Variants in STAG1 observed in about 807,000 individuals in gnomAD.
The protein encoded by STAG1 is STAG1 cohesin complex component.
In STAG1, 26 loss-of-function variants were observed where a neutral mutation model predicts 170.9. The ratio of observed to expected loss-of-function variants is 0.15; its 90% CI spans 0.11 to 0.21. The LOEUF is 0.21. STAG1 is among the 10% of genes least tolerant of loss of function. The pLI is 1.00. For missense variants in STAG1, 964 were observed against 1,509.5 expected (o/e 0.64, Z 5.99); for synonymous variants, 514 against 497.7 (o/e 1.03, Z -0.44).
chr3:136,587,068 T>C, intron 4 of STAG1: 1 of 339,528 alleles, frequency 2.9e-6, no homozygotes, highest in Non-Finnish European at 5.8e-6. Context: ...TGATTTAAAG[T>C]ACATTTTTTA....
At chr3:136,553,324 G>C (rs1157693380) in intron 5 of STAG1, among the ~76,000 whole-genome samples, 1 of 152,090 alleles carries the variant, frequency 6.6e-6, no homozygotes, top group Non-Finnish European at 1.5e-5. Context: ...CAAAGTTCCT[G>C]AAGGAGAAGA....
At chr3:136,464,142 G>A (rs1383378293) in intron 13 of STAG1, among the ~76,000 whole-genome samples, 1 of 151,666 alleles carries the variant, frequency 6.6e-6, no homozygotes, top group African/African-American at 2.4e-5. Flanking sequence ...TCCTGATCAT[G>A]GCCAGGTGTG....
At chr3:136,536,720 A>T (rs1036270112) in intron 6 of STAG1, among the ~76,000 whole-genome samples, 126 of 151,464 alleles carry the variant, frequency 8.3e-4, no homozygotes, top group African/African-American at 2.8e-3. Context: ...AAAAAAAAAA[A>T]AAAAAACTAC....
Position 136,542,100 on chromosome 3 carries a change from G to A in STAG1, c.471+19C>T. The A allele has an allele frequency of 6.4e-7, 1 of 1,570,424 alleles. No homozygotes were observed. Among genetic ancestry groups the A allele is most frequent in the Non-Finnish European group, 8.7e-7 (1 of 1,146,090 alleles). On this transcript the variant is annotated intron_variant, in intron 6 of 33. Coordinates refer to ENST00000383202, the MANE Select transcript of STAG1 (RefSeq NM_005862.3). Reference sequence around the variant, plus strand: ...GAAAGTATAAGTAAGCAATTTGTATGAATATTGGAATGCTATACCTCATCA... The same window carrying A: ...GAAAGTATAAGTAAGCAATTTGTATAAATATTGGAATGCTATACCTCATCA...
chr3:136,563,264 AC>A (rs1490285752), intron 5 of STAG1, among the ~76,000 whole-genome samples: 1 of 152,124 alleles, frequency 6.6e-6, no homozygotes, highest in Non-Finnish European at 1.5e-5. Flanking sequence ...CAGCCCACTT[AC>A]TGAGTTCCCA....
chr3:136,690,890 G>A (rs1053590846), intron 1 of STAG1, among the ~76,000 whole-genome samples: 6 of 151,280 alleles, frequency 4.0e-5, no homozygotes, highest in African/African-American at 9.7e-5. Context: ...GATAGTTCTC[G>A]AATGGGGGAT....
chr3:136,394,221 A>G (rs1417960628), intron 22 of STAG1, among the ~76,000 whole-genome samples: 1 of 152,200 alleles, frequency 6.6e-6, no homozygotes, highest in Non-Finnish European at 1.5e-5. Flanking sequence ...ATGAATTTTT[A>G]AAGTTTGCAT....
intron 6 of STAG1, among the ~76,000 whole-genome samples, chr3:136,529,248 T>C (rs191271453): frequency 2.0e-3 from 304 of 152,228 alleles, no homozygotes; most frequent in African/African-American, 7.0e-3. Flanking sequence ...AATAAAATAA[T>C]AGATGGAAAC....
chr3:136,596,642 A>C (rs1269649252), intron 4 of STAG1, among the ~76,000 whole-genome samples: 1 of 152,248 alleles, frequency 6.6e-6, no homozygotes, highest in Admixed American at 6.5e-5. Context: ...AACCTTAAGT[A>C]TATTTTCACA....
At chr3:136,691,561 G>A (rs1942724212) in intron 1 of STAG1, among the ~76,000 whole-genome samples, 1 of 152,154 alleles carries the variant, frequency 6.6e-6, no homozygotes, top group Non-Finnish European at 1.5e-5. Context: ...GAAAAGTTTG[G>A]TGTCCAGTAG....
intron 22 of STAG1, among the ~76,000 whole-genome samples, chr3:136,384,461 G>GAAAAAA (rs1261653731): frequency 9.7e-6 from 1 of 103,552 alleles, no homozygotes; most frequent in Admixed American, 1.0e-4. Context: ...AAAAGAAGAA[G>GAAAAAA]AAAAAAAAAA....
intron 9 of STAG1, among the ~76,000 whole-genome samples, chr3:136,486,734 CAACT>C (rs2090020570): frequency 6.6e-6 from 1 of 152,100 alleles, no homozygotes; most frequent in South Asian, 2.1e-4. Flanking sequence ...CTAACTCTTC[CAACT>C]AACTCTTAGA....
Position 136,425,360 on chromosome 3 carries a change from AGTGG to A in STAG1, c.1651-2320_1651-2317del, listed in dbSNP as rs1475241347. Among the ~76,000 whole-genome samples the A allele has an allele frequency of 2.6e-5, 4 of 152,218 alleles. No homozygotes were observed. In the East Asian group the frequency reaches 7.7e-4, roughly 29 times the overall value. On this transcript the variant is annotated intron_variant, in intron 16 of 33. Transcript: ENST00000383202. The stretch of plus-strand genomic sequence containing the variant: ...ATCTTTGGTAAAAGATTGGGGGGTG[AGTGG>A]GTGGAATGTGAAATATGAATATATA...
chr3:136,665,961 G>GCTA (rs1180166027), intron 1 of STAG1, among the ~76,000 whole-genome samples: 1 of 150,668 alleles, frequency 6.6e-6, no homozygotes, highest in African/African-American at 2.4e-5. Flanking sequence ...TGTAGTCCCA[G>GCTA]CTACTCGTGA....
At chr3:136,654,881 A>G (rs111372917) in intron 1 of STAG1, among the ~76,000 whole-genome samples, 7 of 152,364 alleles carry the variant, frequency 4.6e-5, no homozygotes, top group African/African-American at 1.4e-4. Flanking sequence ...GAAAGTTGCC[A>G]AGACTATTAA....
chr3:136,706,099 GA>G (rs1350750491), intron 1 of STAG1, among the ~76,000 whole-genome samples: 2 of 151,996 alleles, frequency 1.3e-5, no homozygotes, highest in Non-Finnish European at 2.9e-5. Context: ...AAAAACTCAG[GA>G]AACCAGCAAT....
Position 136,341,447 on chromosome 3 carries a change from T to G in STAG1, c.3551A>C (p.His1184Pro). 1 of 1,602,270 alleles carries G rather than the reference T, an allele frequency of 6.2e-7. No individual in the cohort carries two copies. The highest frequency in any genetic ancestry group is 8.6e-7 in the Non-Finnish European group (1 of 1,169,508). The change falls in exon 31 of 34, where the codon CAT becomes CCT. Residue 1184 changes from histidine (H) to proline (P), a missense_variant. By Grantham distance (77) the His-to-Pro change is moderately conservative. Transcript: ENST00000383202. ...NYMKVRTGVR[H>P]AVRGLMEEDA... ...TACTCCATGTAACACTTACACAGCA[T>G]GCCTCACTCCAGTTCTCACTTTCAT...
At chr3:136,595,919 A>T (rs1938407393) in intron 4 of STAG1, among the ~76,000 whole-genome samples, 1 of 152,116 alleles carries the variant, frequency 6.6e-6, no homozygotes, top group Non-Finnish European at 1.5e-5. Flanking sequence ...CAATGGTCAG[A>T]ATGTAGTTTC....
chr3:136,450,914 T>C (rs1457740430), intron 14 of STAG1, among the ~76,000 whole-genome samples: 1 of 152,012 alleles, frequency 6.6e-6, no homozygotes, highest in Non-Finnish European at 1.5e-5. Context: ...GCTCAGCTAA[T>C]TTTTTTCTAT....
Sources: allele counts gnomAD v4.1 joint callset (sites outside exome capture counted in the v4.1 genomes callset), GRCh38; gene constraint gnomAD v4.1.1; transcripts MANE v1.5; gene names NCBI Gene and HGNC (gene_info 2026-07-23, HGNC 2026-07-21).